Variants in PXDNL observed in about 807,000 individuals in gnomAD.
PXDNL encodes the protein peroxidasin like.
Under a neutral mutation model 150.8 loss-of-function variants are expected in PXDNL, and 145 were observed. That is an observed-to-expected ratio of 0.96 (90% CI 0.84 to 1.10). The LOEUF (loss-of-function observed/expected upper bound fraction) is 1.10, where lower values mean the gene tolerates loss of function less well. PXDNL is among the 50% of genes least tolerant of loss of function. PXDNL has a pLI of 0.00. For synonymous variants in PXDNL, 757 were observed against 725.7 expected (o/e 1.04, Z -0.69); for missense variants, 2,087 against 1,873.9 (o/e 1.11, Z -2.10).
chr8:51,554,777 T>A (rs1331632476), intron 4 of PXDNL, among the ~76,000 whole-genome samples: 1 of 152,206 alleles, frequency 6.6e-6, no homozygotes, highest in African/African-American at 2.4e-5. Flanking sequence ...CCCATCAGAA[T>A]TGCCTTACTG....
intron 6 of PXDNL, among the ~76,000 whole-genome samples, chr8:51,483,229 A>G (rs1203824516): frequency 6.6e-6 from 1 of 152,168 alleles, no homozygotes; most frequent in Non-Finnish European, 1.5e-5. Flanking sequence ...TGCTTAATGT[A>G]GGAGGAAATG....
At chr8:51,689,520 A>G (rs1815945055) in intron 1 of PXDNL, among the ~76,000 whole-genome samples, 1 of 151,998 alleles carries the variant, frequency 6.6e-6, no homozygotes. Flanking sequence ...TGTACCAGTT[A>G]GTCTTATGGG....
intron 12 of PXDNL, among the ~76,000 whole-genome samples, chr8:51,428,529 T>C (rs188746855): frequency 2.6e-4 from 39 of 152,270 alleles, no homozygotes; most frequent in African/African-American, 8.4e-4. Context: ...GACACAAATA[T>C]CAATGGGACA....
chr8:51,471,495 T>C (rs1438910848), intron 8 of PXDNL, among the ~76,000 whole-genome samples: 1 of 152,190 alleles, frequency 6.6e-6, no homozygotes, highest in Non-Finnish European at 1.5e-5. Context: ...TGATTTACCA[T>C]AGGAAAGTTG....
chr8:51,579,825 C>A (rs1813165007), intron 3 of PXDNL, among the ~76,000 whole-genome samples: 1 of 151,740 alleles, frequency 6.6e-6, no homozygotes, highest in African/African-American at 2.4e-5. Context: ...ACGCAAAAAC[C>A]AGGATGACTC....
chr8:51,454,519 T>A (rs541718412), intron 9 of PXDNL, among the ~76,000 whole-genome samples: 48 of 152,322 alleles, frequency 3.2e-4, no homozygotes, highest in Non-Finnish European at 5.9e-4. Flanking sequence ...ATAGAAAATT[T>A]AGACTTTCAT....
intron 3 of PXDNL, among the ~76,000 whole-genome samples, chr8:51,576,722 A>G (rs1192554937): frequency 2.6e-5 from 4 of 151,856 alleles, no homozygotes; most frequent in Non-Finnish European, 5.9e-5. Flanking sequence ...AACTAAAAAA[A>G]AGCTGATTAT....
intron 2 of PXDNL, among the ~76,000 whole-genome samples, chr8:51,644,219 G>C (rs1354790128): frequency 6.8e-6 from 1 of 147,036 alleles, no homozygotes; most frequent in Non-Finnish European, 1.5e-5. Context: ...GATCACATTT[G>C]ATCAGAGAAC....
chr8:51,648,527 A>G (rs1393891242), intron 2 of PXDNL, among the ~76,000 whole-genome samples: 1 of 152,208 alleles, frequency 6.6e-6, no homozygotes, highest in East Asian at 1.9e-4. Context: ...TCTGGAGGGA[A>G]GGCAGTCCTG....
At chr8:51,535,555 T>C (rs536721615) in intron 4 of PXDNL, among the ~76,000 whole-genome samples, 3,154 of 127,080 alleles carry the variant, frequency 0.025, 182 homozygotes, top group African/African-American at 0.1. Flanking sequence ...TCCCTAATCT[T>C]AAGTACCCAG....
At chr8:51,793,123 G>A (rs1473112999) in intron 1 of PXDNL, among the ~76,000 whole-genome samples, 4 of 152,202 alleles carry the variant, frequency 2.6e-5, no homozygotes, top group Admixed American at 6.5e-5. Context: ...ACAGCCCAGG[G>A]GAAGGAGCGG....
intron 8 of PXDNL, among the ~76,000 whole-genome samples, chr8:51,459,724 G>A (rs1426899937): frequency 1.3e-5 from 2 of 152,110 alleles, no homozygotes; most frequent in Non-Finnish European, 2.9e-5. Flanking sequence ...GATGCAAATA[G>A]CAATCATATG....
chr8:51,488,474 A>C (rs1249413801), intron 5 of PXDNL, among the ~76,000 whole-genome samples: 1 of 152,234 alleles, frequency 6.6e-6, no homozygotes, highest in Non-Finnish European at 1.5e-5. Context: ...TAAGAGGAAA[A>C]TGTTATTGAC....
chr8:51,461,100 A>G (rs1810068674), intron 8 of PXDNL, among the ~76,000 whole-genome samples: 1 of 152,192 alleles, frequency 6.6e-6, no homozygotes, highest in South Asian at 2.1e-4. Context: ...TCCCCAGCAC[A>G]GCCAGTGCTA....
chr8:51,321,106 G>C, intron 21 of PXDNL: 1 of 451,094 alleles, frequency 2.2e-6, no homozygotes, highest in Admixed American at 4.0e-5. Context: ...AGTTCTGTAG[G>C]TGTTAAAAAA....
At position 51,771,619 on chromosome 8, in the gene PXDNL, A is replaced by G. The variant is rs547869737; in HGVS notation, c.164+37562T>C. Among the ~76,000 whole-genome samples the G allele has an allele frequency of 1.4e-4, 21 of 152,310 alleles. 1 individual carries two copies. Among genetic ancestry groups the G allele is most frequent in the African/African-American group, 5.1e-4 (21 of 41,564 alleles). ...TTGGGGTAGTCCTTGAGCACAGAAT[A>G]GAGACAGAGACAGAGAGAAAAAGAA... is the stretch of plus-strand genomic sequence containing the variant. On this transcript the variant is annotated intron_variant, in intron 1 of 22. Transcript: ENST00000356297.
chr8:51,537,687 C>T (rs1812112531), intron 4 of PXDNL, among the ~76,000 whole-genome samples: 1 of 152,226 alleles, frequency 6.6e-6, no homozygotes, highest in African/African-American at 2.4e-5. Context: ...GAGAACTTCT[C>T]TGTTTTTAAC....
intron 18 of PXDNL, among the ~76,000 whole-genome samples, chr8:51,372,573 C>T (rs1017413995): frequency 1.3e-5 from 2 of 152,058 alleles, no homozygotes; most frequent in Admixed American, 6.6e-5. Context: ...TTACTAGAGA[C>T]GGGGATTCGC....
At chr8:51,719,182 C>G (rs532918619) in intron 1 of PXDNL, among the ~76,000 whole-genome samples, 1 of 152,182 alleles carries the variant, frequency 6.6e-6, no homozygotes, top group East Asian at 1.9e-4. Context: ...AGAATGATGG[C>G]TGTTTTGTCG....
Sources: allele counts gnomAD v4.1 joint callset (sites outside exome capture counted in the v4.1 genomes callset), GRCh38; gene constraint gnomAD v4.1.1; transcripts MANE v1.5; gene names NCBI Gene and HGNC (gene_info 2026-07-23, HGNC 2026-07-21).